The following SLC35D4 variants were observed in gnomAD, a reference collection of about 807,000 sequenced individuals.
SLC35D4 encodes UDP-N-acetylglucosamine transporter SLC35D4.
chr18:23,254,673 G>C, the SLC35D4 span, among the ~76,000 whole-genome samples: 1 of 152,216 alleles, frequency 6.6e-6, no homozygotes, highest in African/African-American at 2.4e-5. Flanking sequence ...TTCTGGTGAG[G>C]TTCCTCTCCT....
At chr18:23,344,488 A>C in the SLC35D4 span, among the ~76,000 whole-genome samples, 1 of 152,156 alleles carries the variant, frequency 6.6e-6, no homozygotes, top group Non-Finnish European at 1.5e-5. Flanking sequence ...ATTGAGGTGT[A>C]AGAATTCTTT....
chr18:23,301,256 G>A, the SLC35D4 span, among the ~76,000 whole-genome samples: 1 of 152,134 alleles, frequency 6.6e-6, no homozygotes, highest in African/African-American at 2.4e-5. Context: ...GAGGTAATCA[G>A]CAACGTTATT....
chr18:23,250,289 T>TA, the SLC35D4 span, among the ~76,000 whole-genome samples: 1 of 152,158 alleles, frequency 6.6e-6, no homozygotes, highest in African/African-American at 2.4e-5. Context: ...GACTTTCCTC[T>TA]GTAGAGGAAG....
At chr18:23,264,826 G>A in the SLC35D4 span, among the ~76,000 whole-genome samples, 2 of 151,696 alleles carry the variant, frequency 1.3e-5, no homozygotes, top group African/African-American at 4.8e-5. Flanking sequence ...TGTATTTTTT[G>A]TAGAGATGAG....
the SLC35D4 span, among the ~76,000 whole-genome samples, chr18:23,294,794 A>G: frequency 6.6e-6 from 1 of 152,270 alleles, no homozygotes; most frequent in East Asian, 1.9e-4. Context: ...AAACCAAAAA[A>G]CAAAGAGGAC....
the SLC35D4 span, among the ~76,000 whole-genome samples, chr18:23,418,878 C>T: frequency 2.0e-5 from 3 of 151,740 alleles, no homozygotes; most frequent in East Asian, 2.0e-4. Flanking sequence ...CATGGTGGCA[C>T]GCGCCTGTAG....
the SLC35D4 span, among the ~76,000 whole-genome samples, chr18:23,327,759 A>G: frequency 3.3e-5 from 5 of 152,320 alleles, no homozygotes; most frequent in Admixed American, 6.5e-5. Context: ...AAAAAAAGAG[A>G]ATTTTAGACC....
chr18:23,355,752 T>C, the SLC35D4 span, among the ~76,000 whole-genome samples: 1 of 152,186 alleles, frequency 6.6e-6, no homozygotes, highest in African/African-American at 2.4e-5. Context: ...TTCTTCACGA[T>C]CTATTGACAT....
chr18:23,301,733 G>A, the SLC35D4 span, among the ~76,000 whole-genome samples: 1 of 152,194 alleles, frequency 6.6e-6, no homozygotes, highest in Non-Finnish European at 1.5e-5. Context: ...CGGGAGAGGA[G>A]AGGAGTCACC....
At chr18:23,390,546 A>G in the SLC35D4 span, among the ~76,000 whole-genome samples, 1 of 152,224 alleles carries the variant, frequency 6.6e-6, no homozygotes, top group Non-Finnish European at 1.5e-5. Flanking sequence ...TTCTCTGGCT[A>G]TAAAGAGAAA....
chr18:23,254,310 A>G, the SLC35D4 span, among the ~76,000 whole-genome samples: 1,005 of 152,328 alleles, frequency 6.6e-3, 13 homozygotes, highest in African/African-American at 0.023. Context: ...TTGGCTTCCT[A>G]CTTCCTTAGC....
chr18:23,246,506 G>A, the SLC35D4 span, among the ~76,000 whole-genome samples: 23 of 151,694 alleles, frequency 1.5e-4, no homozygotes, highest in African/African-American at 4.4e-4. Context: ...ATTCTCCTGC[G>A]TCAGCCTCCC....
At chr18:23,411,713 T>C in the SLC35D4 span, among the ~76,000 whole-genome samples, 24 of 152,286 alleles carry the variant, frequency 1.6e-4, no homozygotes, top group African/African-American at 5.5e-4. Flanking sequence ...GTTTGAATCA[T>C]GGGCCTGTTT....
the SLC35D4 span, among the ~76,000 whole-genome samples, chr18:23,363,541 A>C: frequency 6.6e-6 from 1 of 150,966 alleles, no homozygotes; most frequent in African/African-American, 2.4e-5. Context: ...CGCCCGGCTA[A>C]TTTTTTGTAT....
At chr18:23,306,783 C>T in the SLC35D4 span, among the ~76,000 whole-genome samples, 2 of 152,082 alleles carry the variant, frequency 1.3e-5, no homozygotes, top group Non-Finnish European at 2.9e-5. Flanking sequence ...TATATAGGAA[C>T]TAGAATAGAA....
the SLC35D4 span, among the ~76,000 whole-genome samples, chr18:23,290,160 A>G: frequency 1.1e-3 from 171 of 152,308 alleles, no homozygotes; most frequent in African/African-American, 3.9e-3. Context: ...TGGAGAGTGC[A>G]CCTTCCCTCC....
chr18:23,385,103 T>G, the SLC35D4 span: 1 of 1,582,474 alleles, frequency 6.3e-7, no homozygotes. Context: ...TGAAAATATT[T>G]TCTTCGATCT....
the SLC35D4 span, among the ~76,000 whole-genome samples, chr18:23,265,590 T>C: frequency 6.8e-6 from 1 of 147,864 alleles, no homozygotes; most frequent in Non-Finnish European, 1.5e-5. Context: ...AGGAAAAAAG[T>C]TTGGCTACAA....
At chr18:23,367,319 C>G in the SLC35D4 span, among the ~76,000 whole-genome samples, 1 of 152,192 alleles carries the variant, frequency 6.6e-6, no homozygotes. Flanking sequence ...AAAAAATTCC[C>G]TCCGATACTT....
Sources: allele counts gnomAD v4.1 joint callset (sites outside exome capture counted in the v4.1 genomes callset), GRCh38; gene constraint gnomAD v4.1.1; transcripts MANE v1.5; gene names NCBI Gene and HGNC (gene_info 2026-07-23, HGNC 2026-07-21).